EGFL6: variants seen among roughly 807,000 people sequenced by gnomAD.
EGFL6 encodes the protein EGF like domain multiple 6.
In EGFL6, 42 loss-of-function variants were observed where a neutral mutation model predicts 43.1. The ratio of observed to expected loss-of-function variants is 0.98; its 90% confidence interval spans 0.76 to 1.26. EGFL6 has a LOEUF of 1.26. EGFL6 is among the 50% of genes most tolerant of loss of function. EGFL6 has a pLI of 0.00. For missense variants in EGFL6, 429 were observed against 427.8 expected, an observed-to-expected ratio of 1.00 and a Z score of -0.02; for synonymous variants, 164 against 163.2, an observed-to-expected ratio of 1.01 and a Z score of -0.04.
rs1194994345 is a variant in EGFL6 at position 13,569,836 on chromosome X, G to A, written c.-26G>A. 5.8e-6 allele frequency: 7 copies of A among 1,207,883 alleles called. No homozygotes were observed. In the South Asian group the frequency reaches 1.2e-4, roughly 21 times the overall value. ...CGGCGCCCTCCCGAGGGGGGCTCAG[G>A]AGGAGGAAGGAGGACCCGTGCGAGA... On this transcript the variant is annotated 5_prime_UTR_variant, in exon 1 of 12. Transcript: ENST00000361306.
chrX:13,587,943 AT>A (rs1260347462), intron 1 of EGFL6, among the ~76,000 whole-genome samples: 4 of 111,861 alleles, frequency 3.6e-5, no homozygotes, highest in Non-Finnish European at 5.6e-5. Context: ...GTCTGGAGAC[AT>A]TTTCGTTTGT....
intron 11 of EGFL6, among the ~76,000 whole-genome samples, chrX:13,628,539 C>T (rs1157029678): frequency 1.8e-5 from 2 of 110,880 alleles, no homozygotes; most frequent in Non-Finnish European, 3.8e-5. Flanking sequence ...GTAGGCCAGA[C>T]GAGGTGACTC....
In EGFL6 at chrX:13,617,833, A is replaced by T; in HGVS notation, c.882A>T (p.Ala294=). 3 of 1,211,573 alleles carry T rather than the reference A, an allele frequency of 2.5e-6. No individual in the cohort carries two copies. The highest frequency in any genetic ancestry group is 3.4e-6 in the Non-Finnish European group (3 of 895,428). Residue 294 remains alanine (A), a synonymous_variant, in exon 8 of 12, where the codon GCA becomes GCT. Coordinates refer to ENST00000361306, the MANE Select transcript of EGFL6 (RefSeq NM_015507.4). ...ACAAAAACAGCATGAAAAAGAAGGC[A>T]AAAATTAAAAATGTTACCCCAGAAC... ...LAHKNSMKKK[A]KIKNVTPEPT...
chrX:13,591,498 T>C (rs1193004225), intron 2 of EGFL6, among the ~76,000 whole-genome samples: 1 of 112,329 alleles, frequency 8.9e-6, no homozygotes, highest in Non-Finnish European at 1.9e-5. Flanking sequence ...TTTTTAGATC[T>C]AAAATGTGTA....
At chrX:13,601,478 T>C (rs999377339) in intron 4 of EGFL6, among the ~76,000 whole-genome samples, 4 of 111,584 alleles carry the variant, frequency 3.6e-5, no homozygotes, top group African/African-American at 1.3e-4. Flanking sequence ...CTTTCTTTCC[T>C]CTGCCTTGCA....
At chrX:13,586,010 G>A (rs962758857) in intron 1 of EGFL6, among the ~76,000 whole-genome samples, 30 of 112,142 alleles carry the variant, frequency 2.7e-4, no homozygotes, top group African/African-American at 9.7e-4. Context: ...ACCAAGGTAT[G>A]GGGATAGTTG....
Position 13,619,240 on chromosome X carries a change from A to C in EGFL6, c.1180A>C (p.Lys394Gln). The change falls in exon 9 of 12, where the codon AAA becomes CAA. Residue 394 changes from lysine to glutamine, a missense_variant. By Grantham distance (53) the Lys-to-Gln change is moderately conservative (BLOSUM62 1). Transcript: ENST00000361306. ...RKALTSKLEH[K>Q]DLNISVDCSF... ...AGCGCTAACTTCCAAACTGGAACAT[A>C]AAGGTAAATAATTCTTTCTCCCAAG... 2 of 1,203,315 alleles carry C rather than the reference A, an allele frequency of 1.7e-6. No individual in the cohort carries two copies. Among genetic ancestry groups the C allele is most frequent in the Non-Finnish European group, 2.3e-6 (2 of 887,706 alleles).
intron 1 of EGFL6, among the ~76,000 whole-genome samples, chrX:13,579,319 CT>C (rs1351958734): frequency 9.0e-6 from 1 of 111,366 alleles, no homozygotes; most frequent in Non-Finnish European, 1.9e-5. Context: ...CATCATTTAG[CT>C]CCCACTTATA....
chrX:13,617,819 A>T lies in EGFL6; in HGVS notation c.868A>T (p.Met290Leu). ...GAAGTTGCTTGCTCACAAAAACAGCATGAAAAAGAAGGCAAAAATTAAAAA... is the reference window on the plus strand; with the variant it reads ...GAAGTTGCTTGCTCACAAAAACAGCTTGAAAAAGAAGGCAAAAATTAAAAA... ...IKKLLAHKNSMKKKAKIKNVT... is the reference protein window; with the variant it reads ...IKKLLAHKNSLKKKAKIKNVT... The change falls in exon 8 of 12, where the codon ATG becomes TTG. Residue 290 changes from methionine (M) to leucine (L), a missense_variant. Physicochemically the swap from Met to Leu is conservative, Grantham distance 15 (BLOSUM62 2). Coordinates refer to ENST00000361306, the MANE Select transcript of EGFL6 (RefSeq NM_015507.4). 5.8e-6 allele frequency: 7 copies of T among 1,211,737 alleles called. No individual in the cohort carries two copies. The highest frequency in any genetic ancestry group is 7.8e-6 in the Non-Finnish European group (7 of 895,415).
intron 2 of EGFL6, among the ~76,000 whole-genome samples, chrX:13,590,881 G>GT (rs2045559353): frequency 9.0e-6 from 1 of 111,632 alleles, no homozygotes; most frequent in South Asian, 3.8e-4. Flanking sequence ...AATTAAAAGG[G>GT]TGGGTCCTCA....
chrX:13,632,946 C>T (rs779005480), intron 11 of EGFL6, 39 bp from the exon 12 acceptor site: 10 of 1,124,170 alleles, frequency 8.9e-6, no homozygotes, highest in Admixed American at 4.5e-5. Context: ...TTGTTTTGAA[C>T]AGTTTGGAGT....
At chrX:13,631,216 T>C (rs1602663112) in intron 11 of EGFL6, among the ~76,000 whole-genome samples, 2 of 111,868 alleles carry the variant, frequency 1.8e-5, no homozygotes, top group Admixed American at 1.9e-4. Flanking sequence ...AGGGTAACTT[T>C]TGTCATCTTT....
intron 7 of EGFL6, among the ~76,000 whole-genome samples, chrX:13,616,772 T>C (rs767481862): frequency 8.9e-6 from 1 of 112,582 alleles, no homozygotes; most frequent in Non-Finnish European, 1.9e-5. Flanking sequence ...TGAACTTTTT[T>C]GTACCTCTTG....
chrX:13,617,516 A>C (rs1298029187), intron 7 of EGFL6, among the ~76,000 whole-genome samples: 1 of 112,485 alleles, frequency 8.9e-6, no homozygotes, highest in African/African-American at 3.2e-5. Context: ...AAACAAAAGC[A>C]ACAAAAGGTA....
intron 1 of EGFL6, among the ~76,000 whole-genome samples, chrX:13,576,423 T>G (rs1056526530): frequency 1.3e-4 from 15 of 111,516 alleles, no homozygotes; most frequent in African/African-American, 4.9e-4. Context: ...ACCTCCAACT[T>G]TGGGGATTAC....
intron 7 of EGFL6, among the ~76,000 whole-genome samples, chrX:13,614,312 C>T (rs1164588260): frequency 8.9e-6 from 1 of 111,752 alleles, no homozygotes; most frequent in African/African-American, 3.3e-5. Context: ...ACTCTCTTGG[C>T]TCATCTTTTG....
At chrX:13,606,170 A>T (rs1018597581) in intron 5 of EGFL6, among the ~76,000 whole-genome samples, 1 of 111,967 alleles carries the variant, frequency 8.9e-6, no homozygotes. Flanking sequence ...AATGCATCTT[A>T]AAAAGGTATA....
At position 13,617,905 on chromosome X, in the gene EGFL6, T is replaced by TGAA. The variant is rs1231987016; in HGVS notation, c.957_959dup (p.Glu320dup). The stretch of plus-strand genomic sequence containing the variant: ...AGGTGAACTTGCAGCCCTTCAACTA[T>TGAA]GAAGAGATAGTTTCCAGAGGCGGGA... On this transcript the variant is annotated inframe_insertion, in exon 8 of 12. Transcript: ENST00000361306. The TGAA allele has an allele frequency of 8.3e-7, 1 of 1,210,797 alleles. No individual in the cohort carries two copies. The highest frequency in any genetic ancestry group is 1.1e-6 in the Non-Finnish European group (1 of 895,316).
chrX:13,603,445 G>T lies in EGFL6; in HGVS notation c.520+9G>T, dbSNP rs372078830. On this transcript the variant is annotated intron_variant, in intron 5 of 11. Coordinates refer to ENST00000361306, the MANE Select transcript of EGFL6 (RefSeq NM_015507.4). ...TGGAAGAGACTGTCTAGGTACAACAGCAGGAATCACCTCTACTCCTCCTTC... is the reference window on the plus strand; with the variant it reads ...TGGAAGAGACTGTCTAGGTACAACATCAGGAATCACCTCTACTCCTCCTTC... The T allele has an allele frequency of 3.7e-5, 44 of 1,195,691 alleles. No individual in the cohort carries two copies. The highest frequency in any genetic ancestry group is 4.7e-5 in the Non-Finnish European group (42 of 888,598).
Sources: gnomAD v4.1 joint callset for allele counts (sites outside exome capture counted in the v4.1 genomes callset) on GRCh38, gnomAD v4.1.1 for gene constraint, MANE v1.5 for transcripts, NCBI Gene and HGNC (gene_info 2026-07-23, HGNC 2026-07-21) for gene names.